Variants in IGFBP7 observed in about 807,000 individuals in gnomAD.
IGFBP7 encodes the protein insulin-like growth factor-binding protein 7.
A neutral mutation model predicts 29.4 loss-of-function variants in IGFBP7; 31 were observed. The ratio of observed to expected loss-of-function variants is 1.05; its 90% confidence interval spans 0.79 to 1.42. The LOEUF is 1.42. Ranked by LOEUF, IGFBP7 falls within the 40% of genes most tolerant of loss-of-function variation. The pLI, the probability that IGFBP7 is intolerant of heterozygous loss-of-function variation, is 0.00. For missense variants in IGFBP7, 393 were observed against 395.5 expected (o/e 0.99, Z 0.05); for synonymous variants, 172 against 174.9 (o/e 0.98, Z 0.13).
At chr4:57,068,513 C>T (rs538537292) in intron 1 of IGFBP7, among the ~76,000 whole-genome samples, 3 of 152,070 alleles carry the variant, frequency 2.0e-5, no homozygotes, top group Non-Finnish European at 2.9e-5. Context: ...ACATCAGTAA[C>T]GGCAGAGAAA....
At chr4:57,048,810 G>A (rs1403132501) in intron 1 of IGFBP7, among the ~76,000 whole-genome samples, 1 of 152,162 alleles carries the variant, frequency 6.6e-6, no homozygotes, top group African/African-American at 2.4e-5. Flanking sequence ...AGAGACAAAA[G>A]CATTCTTGGG....
chr4:57,104,819 C>A (rs73818609), intron 1 of IGFBP7, among the ~76,000 whole-genome samples: 1,971 of 152,266 alleles, frequency 0.013, 41 homozygotes, highest in African/African-American at 0.045. Flanking sequence ...GAAGGCAAAT[C>A]AATGTCAGAT....
Position 57,031,176 on chromosome 4 carries a change from T to C in IGFBP7, c.*141A>G. ...AGATAGTCTTGATGTGTGATCTTTATTTTGTATTTCTCTGTGTAAAACCAG... is the reference window on the plus strand; with the variant it reads ...AGATAGTCTTGATGTGTGATCTTTACTTTGTATTTCTCTGTGTAAAACCAG... On this transcript the variant is annotated 3_prime_UTR_variant, in exon 5 of 5. Transcript: ENST00000295666. 1 of 806,150 alleles carries C rather than the reference T, an allele frequency of 1.2e-6. No homozygotes were observed. Among genetic ancestry groups the C allele is most frequent in the Non-Finnish European group, 2.1e-6 (1 of 481,938 alleles). 49.9% of individuals were successfully genotyped at this position (806,150 alleles called of 1,614,324 possible).
Position 57,110,280 on chromosome 4 carries a change from G to A in IGFBP7, c.72C>T (p.Ser24=). ...AGLLLLLLPL[S]SSSSSDTCGP... ...CGCAGGTGTCCGAAGAGGAGGAAGAGGAGAGGGGCAGGAGCAGGAGCAGCA... is the reference window on the plus strand; with the variant it reads ...CGCAGGTGTCCGAAGAGGAGGAAGAAGAGAGGGGCAGGAGCAGGAGCAGCA... Residue 24 remains serine (S), a synonymous_variant, in exon 1 of 5, where the codon TCC becomes TCT. Coordinates refer to ENST00000295666, the MANE Select transcript of IGFBP7 (RefSeq NM_001553.3). 7.0e-7 allele frequency: 1 copy of A among 1,428,956 alleles called. No homozygotes were observed. Among genetic ancestry groups the A allele is most frequent in the Non-Finnish European group, 9.2e-7 (1 of 1,092,390 alleles). 88.5% of individuals were successfully genotyped at this position (1,428,956 alleles called of 1,614,324 possible). A position where few individuals can be genotyped will look rare whatever the true frequency, so the allele number is the denominator to read the frequency against.
At chr4:57,062,439 C>T (rs1402292784) in intron 1 of IGFBP7, among the ~76,000 whole-genome samples, 1 of 152,172 alleles carries the variant, frequency 6.6e-6, no homozygotes, top group African/African-American at 2.4e-5. Context: ...ACTATTTGCA[C>T]CCGGTCTGAA....
At position 57,102,506 on chromosome 4, in the gene IGFBP7, G is replaced by A. The variant is rs1725923620; in HGVS notation, c.475+7371C>T. On this transcript the variant is annotated intron_variant, in intron 1 of 4. Coordinates refer to ENST00000295666, the MANE Select transcript of IGFBP7 (RefSeq NM_001553.3). ...CCTATTCAATAGTTTTTACTGGAAA[G>A]TTCTTCCTGCTGTGTCATCTAAATG... is the stretch of plus-strand genomic sequence containing the variant. 2.0e-5 allele frequency among the ~76,000 whole-genome samples: 3 copies of A among 152,104 alleles called. No individual in the cohort carries two copies. In the South Asian group the frequency reaches 6.2e-4, roughly 31 times the overall value.
At chr4:57,033,855 A>G (rs541825189) in intron 2 of IGFBP7, among the ~76,000 whole-genome samples, 2 of 152,300 alleles carry the variant, frequency 1.3e-5, no homozygotes, top group African/African-American at 4.8e-5. Flanking sequence ...GTTCGAGACC[A>G]GACTGACCAA....
At chr4:57,053,827 T>C (rs113233609) in intron 1 of IGFBP7, among the ~76,000 whole-genome samples, 22 of 152,158 alleles carry the variant, frequency 1.4e-4, no homozygotes, top group African/African-American at 4.8e-4. Flanking sequence ...CATGGGCCTG[T>C]CCTGTCTGGA....
intron 1 of IGFBP7, among the ~76,000 whole-genome samples, chr4:57,098,779 C>T (rs1025353089): frequency 1.3e-5 from 2 of 152,210 alleles, no homozygotes; most frequent in Admixed American, 1.3e-4. Context: ...CGCTCTATGG[C>T]TTCCTGAGGG....
chr4:57,109,867 T>C lies in IGFBP7; in HGVS notation c.475+10A>G. ...GGCGCAGGGTTGGAGAGGGAAGCGC[T>C]CGTGCCCACCTTGCTCGCAGGTGCC... On this transcript the variant is annotated intron_variant, in intron 1 of 4. Coordinates refer to ENST00000295666, the MANE Select transcript of IGFBP7 (RefSeq NM_001553.3). 2 of 1,537,442 alleles carry C rather than the reference T, an allele frequency of 1.3e-6. No homozygotes were observed. Among genetic ancestry groups the C allele is most frequent in the Non-Finnish European group, 8.7e-7 (1 of 1,147,690 alleles).
chr4:57,045,824 C>A (rs1184472080), intron 1 of IGFBP7, among the ~76,000 whole-genome samples: 1 of 151,238 alleles, frequency 6.6e-6, no homozygotes, highest in Non-Finnish European at 1.5e-5. Context: ...CTCGTGGGTT[C>A]AAGCGATCCT....
intron 1 of IGFBP7, among the ~76,000 whole-genome samples, chr4:57,081,441 T>C (rs1725365438): frequency 6.6e-6 from 1 of 152,146 alleles, no homozygotes; most frequent in Admixed American, 6.5e-5. Context: ...AAGGAAAACA[T>C]TCCTGACCTC....
chr4:57,102,785 GA>G lies in IGFBP7; in HGVS notation c.475+7091del, dbSNP rs1427670712. The stretch of plus-strand genomic sequence containing the variant: ...GACAAAATGATTATAAAGAACCAGT[GA>G]TTCATTCAATATTCTAGAAATTTCT... On this transcript the variant is annotated intron_variant, in intron 1 of 4. Coordinates refer to ENST00000295666, the MANE Select transcript of IGFBP7 (RefSeq NM_001553.3). Among the ~76,000 whole-genome samples the G allele has an allele frequency of 3.3e-5, 5 of 152,252 alleles. No homozygotes were observed. In the East Asian group the frequency reaches 9.7e-4, roughly 29 times the overall value.
At chr4:57,075,494 C>T (rs1255087977) in intron 1 of IGFBP7, among the ~76,000 whole-genome samples, 3 of 152,124 alleles carry the variant, frequency 2.0e-5, no homozygotes, top group Non-Finnish European at 4.4e-5. Context: ...AATGTCTATT[C>T]CTCCAAGCTT....
At chr4:57,036,573 G>A (rs1203487118) in intron 2 of IGFBP7, among the ~76,000 whole-genome samples, 1 of 152,120 alleles carries the variant, frequency 6.6e-6, no homozygotes, top group African/African-American at 2.4e-5. Context: ...TTCAGTTCAC[G>A]TTCCCATTTC....
intron 1 of IGFBP7, among the ~76,000 whole-genome samples, chr4:57,059,777 C>CA (rs550861366): frequency 2.0e-5 from 3 of 151,502 alleles, no homozygotes; most frequent in Non-Finnish European, 4.4e-5. Flanking sequence ...ATATTTAAAA[C>CA]AAAAAAAAGA....
chr4:57,051,717 T>C (rs143352816), intron 1 of IGFBP7, among the ~76,000 whole-genome samples: 1 of 152,280 alleles, frequency 6.6e-6, no homozygotes, highest in African/African-American at 2.4e-5. Context: ...TTATGCAACA[T>C]TGCACAAGTT....
At chr4:57,105,243 C>T (rs80294733) in intron 1 of IGFBP7, among the ~76,000 whole-genome samples, 99 of 152,308 alleles carry the variant, frequency 6.5e-4, no homozygotes, top group South Asian at 1.2e-3. Flanking sequence ...CCTATTTCTC[C>T]GATGTACACC....
intron 1 of IGFBP7, among the ~76,000 whole-genome samples, chr4:57,108,761 C>T (rs1447556815): frequency 6.6e-6 from 1 of 152,078 alleles, no homozygotes. Context: ...GTTGGTCAGG[C>T]TGATCTCGAA....
Sources: allele counts gnomAD v4.1 joint callset (sites outside exome capture counted in the v4.1 genomes callset), GRCh38; gene constraint gnomAD v4.1.1; transcripts MANE v1.5; gene names NCBI Gene and HGNC (gene_info 2026-07-23, HGNC 2026-07-21).